Variants in ACACB observed in about 807,000 individuals in gnomAD.
ACACB encodes acetyl-CoA carboxylase 2.
Under a neutral mutation model 278.8 loss-of-function variants are expected in ACACB, and 209 were observed. The ratio of observed to expected loss-of-function variants is 0.75; its 90% confidence interval spans 0.67 to 0.84. ACACB has a LOEUF of 0.84. Among genes scored for constraint, ACACB ranks in the 40% least tolerant of loss-of-function variants. The pLI is 0.00. For synonymous variants in ACACB, 1,174 were observed against 1,285.6 expected (o/e 0.91, Z 1.86); for missense variants, 2,850 against 3,269.0 (o/e 0.87, Z 3.13).
In ACACB at chr12:109,133,240, TTCTCTCTCTC is replaced by T. The variant is rs55987918; in HGVS notation, c.-9-6140_-9-6131del. Among the ~76,000 whole-genome samples the T allele has an allele frequency of 1.3e-3, 186 of 148,450 alleles. 1 individual carries two copies. The highest frequency in any genetic ancestry group is 2.1e-3 in the Non-Finnish European group (139 of 66,922). ...TTTTGTCTTTATGCTGCACTTCTCT[TTCTCTCTCTC>T]TCTCTCTCTCTCTCTCGTTGCCCAG... On this transcript the variant is annotated intron_variant, in intron 1 of 52. Transcript: ENST00000338432.
intron 1 of ACACB, among the ~76,000 whole-genome samples, chr12:109,129,806 T>C (rs892997461): frequency 3.9e-5 from 6 of 152,238 alleles, no homozygotes; most frequent in Admixed American, 2.6e-4. Flanking sequence ...AGAGAGTGGC[T>C]CTGACACCTG....
chr12:109,211,982 T>C (rs2045862892), intron 21 of ACACB, among the ~76,000 whole-genome samples: 1 of 152,174 alleles, frequency 6.6e-6, no homozygotes. Context: ...ACAGGACCCT[T>C]CCCCATGAGC....
rs2046829950 is a variant in ACACB at position 109,242,571 on chromosome 12, C to T, written c.5157C>T (p.Asp1719=). The change falls in exon 37 of 53, where the codon GAC becomes GAT. Residue 1719 remains aspartate (D), a synonymous_variant. Transcript: ENST00000338432. ...CCCTGGGAACCACCTACATCTATGACTTCCCGGAAATGTTCAGGCAGGCAA... is the reference window on the plus strand; with the variant it reads ...CCCTGGGAACCACCTACATCTATGATTTCCCGGAAATGTTCAGGCAGGCAA... ...AQTLGTTYIY[D]FPEMFRQALF... The T allele has an allele frequency of 6.2e-7, 1 of 1,614,140 alleles. No homozygotes were observed. The highest frequency in any genetic ancestry group is 8.5e-7 in the Non-Finnish European group (1 of 1,179,974).
intron 2 of ACACB, among the ~76,000 whole-genome samples, chr12:109,162,909 T>C (rs538708332): frequency 6.6e-6 from 1 of 152,242 alleles, no homozygotes; most frequent in East Asian, 1.9e-4. Flanking sequence ...TCCCTGACAT[T>C]TGGGTTCAGT....
At chr12:109,134,508 A>G (rs914594743) in intron 1 of ACACB, among the ~76,000 whole-genome samples, 7 of 152,096 alleles carry the variant, frequency 4.6e-5, no homozygotes, top group African/African-American at 1.7e-4. Context: ...GGCTGTTGTT[A>G]ATTTCAAAAT....
intron 29 of ACACB, 57 bp downstream of exon 29, chr12:109,232,863 C>T: frequency 3.8e-6 from 6 of 1,598,190 alleles, no homozygotes; most frequent in Non-Finnish European, 5.1e-6. Context: ...GCAGACTTCC[C>T]TTGAATCCCC....
At chr12:109,184,068 T>G (rs1214151738) in intron 11 of ACACB, among the ~76,000 whole-genome samples, 1 of 151,912 alleles carries the variant, frequency 6.6e-6, no homozygotes, top group Non-Finnish European at 1.5e-5. Flanking sequence ...TTTTTTTTTC[T>G]TTGAGATGGA....
At chr12:109,174,856 C>T (rs10774608) in intron 7 of ACACB, among the ~76,000 whole-genome samples, 72,900 of 151,988 alleles carry the variant, frequency 0.48, 19,426 homozygotes, top group Middle Eastern at 0.7. Context: ...GGTGATGAGA[C>T]CCTGTCTTTA....
At chr12:109,257,203 G>A (rs566187251) in intron 45 of ACACB, among the ~76,000 whole-genome samples, 41 of 152,274 alleles carry the variant, frequency 2.7e-4, no homozygotes, top group African/African-American at 8.9e-4. Context: ...GAACCCAGAA[G>A]GTGGATGTTG....
At chr12:109,223,727 A>G (rs1327286225) in intron 26 of ACACB, 88 bp from the exon 27 acceptor site, 1 of 1,224,454 alleles carries the variant, frequency 8.2e-7, no homozygotes, top group African/African-American at 1.5e-5. Flanking sequence ...ACACCACTGC[A>G]CTCCAGTTTA....
intron 22 of ACACB, among the ~76,000 whole-genome samples, chr12:109,215,320 C>G (rs2045962530): frequency 1.3e-5 from 2 of 151,994 alleles, no homozygotes; most frequent in African/African-American, 4.8e-5. Context: ...AGGCGCCCTC[C>G]CAAGTATAAG....
intron 1 of ACACB, among the ~76,000 whole-genome samples, chr12:109,124,546 T>C (rs1252599728): frequency 6.6e-6 from 1 of 152,252 alleles, no homozygotes; most frequent in Non-Finnish European, 1.5e-5. Flanking sequence ...GGTATCAGTC[T>C]GACCTCCGTC....
intron 24 of ACACB, among the ~76,000 whole-genome samples, chr12:109,218,082 C>G (rs1360698927): frequency 6.6e-6 from 1 of 152,232 alleles, no homozygotes; most frequent in African/African-American, 2.4e-5. Flanking sequence ...AGTCTGACTC[C>G]AGACTCATGA....
At chr12:109,214,595 C>A (rs12831686) in intron 22 of ACACB, among the ~76,000 whole-genome samples, 51,159 of 152,132 alleles carry the variant, frequency 0.34, 9,184 homozygotes, top group African/African-American at 0.46. Context: ...TCTGTGCTGA[C>A]CATAAATATT....
chr12:109,129,425 G>A (rs1399907308), intron 1 of ACACB, among the ~76,000 whole-genome samples: 1 of 152,146 alleles, frequency 6.6e-6, no homozygotes, highest in Non-Finnish European at 1.5e-5. Context: ...AAAAACACTT[G>A]TCGCGACTTA....
At chr12:109,179,724 C>T (rs1270458056) in intron 10 of ACACB, among the ~76,000 whole-genome samples, 193 bp from the exon 11 acceptor site, 2 of 152,146 alleles carry the variant, frequency 1.3e-5, no homozygotes. Flanking sequence ...CTTCTGGCCT[C>T]AAGTGATCCT....
At chr12:109,211,670 A>G (rs1281251333) in intron 21 of ACACB, among the ~76,000 whole-genome samples, 1 of 152,172 alleles carries the variant, frequency 6.6e-6, no homozygotes, top group Non-Finnish European at 1.5e-5. Context: ...GCTAATGACT[A>G]CAAGGTTTCT....
chr12:109,143,391 A>G, intron 2 of ACACB, among the ~76,000 whole-genome samples: 1 of 146,554 alleles, frequency 6.8e-6, no homozygotes, highest in Middle Eastern at 3.3e-3. Flanking sequence ...TAAGCCCAGG[A>G]GGCAGAGGTT....
At chr12:109,175,447 A>G (rs1045435223) in intron 7 of ACACB, among the ~76,000 whole-genome samples, 2 of 152,026 alleles carry the variant, frequency 1.3e-5, no homozygotes, top group African/African-American at 2.4e-5. Flanking sequence ...ACAGGGTCTC[A>G]CTCTGTCACC....
Sources: gnomAD v4.1 joint callset for allele counts (sites outside exome capture counted in the v4.1 genomes callset) on GRCh38, gnomAD v4.1.1 for gene constraint, MANE v1.5 for transcripts, NCBI Gene and HGNC (gene_info 2026-07-23, HGNC 2026-07-21) for gene names.